ASB5: variants seen among roughly 807,000 people sequenced by gnomAD.
The protein encoded by ASB5 is ankyrin repeat and SOCS box protein 5.
A neutral mutation model predicts 42.1 loss-of-function variants in ASB5; 45 were observed. The ratio of observed to expected loss-of-function variants is 1.07; its 90% CI spans 0.84 to 1.37. The LOEUF (loss-of-function observed/expected upper bound fraction) is 1.37. Ranked by LOEUF, ASB5 falls within the 40% of genes most tolerant of loss-of-function variation. The pLI is 0.00. For synonymous variants in ASB5, 147 were observed against 150.6 expected (o/e 0.98, Z 0.18); for missense variants, 402 against 399.8 (o/e 1.01, Z -0.05).
chr4:176,238,036 A>G (rs1337945242), intron 1 of ASB5, among the ~76,000 whole-genome samples: 1 of 152,096 alleles, frequency 6.6e-6, no homozygotes, highest in African/African-American at 2.4e-5. Flanking sequence ...AGCCTGGCCA[A>G]CGTGGTGAAA....
chr4:176,239,701 T>G (rs1267766758), intron 1 of ASB5, among the ~76,000 whole-genome samples: 1 of 152,172 alleles, frequency 6.6e-6, no homozygotes, highest in Non-Finnish European at 1.5e-5. Flanking sequence ...TTAAGAAGGC[T>G]TTCTGTAGTC....
intron 1 of ASB5, among the ~76,000 whole-genome samples, chr4:176,262,141 G>A (rs1309932554): frequency 6.6e-6 from 1 of 152,068 alleles, no homozygotes; most frequent in Admixed American, 6.6e-5. Flanking sequence ...ATAGTAAATT[G>A]AGAAGCAGAA....
At chr4:176,243,513 A>AT (rs1753851351) in intron 1 of ASB5, among the ~76,000 whole-genome samples, 3 of 151,360 alleles carry the variant, frequency 2.0e-5, no homozygotes, top group Admixed American at 2.0e-4. Flanking sequence ...TTTATTTTTT[A>AT]TTTTTTTGGA....
chr4:176,246,693 G>A (rs1463668672), intron 1 of ASB5, among the ~76,000 whole-genome samples: 4 of 152,224 alleles, frequency 2.6e-5, no homozygotes, highest in African/African-American at 9.6e-5. Flanking sequence ...CCTTAAGAAT[G>A]GTAAGGGGTA....
upstream of ASB5, among the ~76,000 whole-genome samples, chr4:176,270,923 C>T (rs1006427246): frequency 6.6e-6 from 1 of 152,150 alleles, no homozygotes; most frequent in Non-Finnish European, 1.5e-5. Flanking sequence ...GCCTTAGTCA[C>T]GTCTAAGTGC....
chr4:176,228,269 C>T (rs182772704), intron 1 of ASB5, among the ~76,000 whole-genome samples: 2 of 152,282 alleles, frequency 1.3e-5, no homozygotes, highest in Admixed American at 1.3e-4. Flanking sequence ...GATTCCCTTT[C>T]AGCAAATTTC....
chr4:176,260,381 T>G (rs925959537), intron 1 of ASB5, among the ~76,000 whole-genome samples: 1 of 152,218 alleles, frequency 6.6e-6, no homozygotes. Flanking sequence ...TGAGGAATTG[T>G]AGAATGAGGA....
chr4:176,225,407 G>T, intron 1 of ASB5, 66 bp from the exon 2 acceptor site: 1 of 1,312,644 alleles, frequency 7.6e-7, no homozygotes, highest in Non-Finnish European at 1.1e-6. Context: ...AATCCCAGTA[G>T]ACACAATCAA....
At chr4:176,221,111 C>T (rs1753191259) in intron 5 of ASB5, 44 bp downstream of exon 5, 3 of 1,531,784 alleles carry the variant, frequency 2.0e-6, no homozygotes, top group Non-Finnish European at 2.6e-6. Context: ...TAAATAACTG[C>T]TTGTGTGTAT....
At chr4:176,238,234 T>C (rs889367293) in intron 1 of ASB5, among the ~76,000 whole-genome samples, 5 of 147,984 alleles carry the variant, frequency 3.4e-5, no homozygotes, top group Non-Finnish European at 7.4e-5. Context: ...AAAAGTGCAT[T>C]ACGGTCAGCT....
intron 1 of ASB5, among the ~76,000 whole-genome samples, chr4:176,233,208 G>T (rs1045546102): frequency 1.3e-5 from 2 of 152,120 alleles, no homozygotes; most frequent in Admixed American, 6.5e-5. Flanking sequence ...CTTCTAAACA[G>T]AAGGAAGGAT....
At chr4:176,268,799 A>T in intron 1 of ASB5, 114 bp downstream of exon 1, 1 of 936,024 alleles carries the variant, frequency 1.1e-6, no homozygotes, top group Non-Finnish European at 1.5e-6. Context: ...TATTTCCCTT[A>T]ACAAAAGTTT....
chr4:176,253,039 A>G (rs1329694499), intron 1 of ASB5, among the ~76,000 whole-genome samples: 1 of 152,204 alleles, frequency 6.6e-6, no homozygotes, highest in Non-Finnish European at 1.5e-5. Flanking sequence ...AAAGCCTAGG[A>G]AAAGAAAACA....
chr4:176,255,040 G>T (rs553019097), intron 1 of ASB5, among the ~76,000 whole-genome samples: 3 of 152,322 alleles, frequency 2.0e-5, no homozygotes, highest in African/African-American at 7.2e-5. Flanking sequence ...TGAGGCAGGA[G>T]AATCACTTGA....
At chr4:176,226,326 T>C (rs1753377657) in intron 1 of ASB5, among the ~76,000 whole-genome samples, 1 of 152,208 alleles carries the variant, frequency 6.6e-6, no homozygotes, top group Admixed American at 6.5e-5. Context: ...AGGCTTTCTC[T>C]GACCTTGAGA....
intron 1 of ASB5, among the ~76,000 whole-genome samples, chr4:176,238,694 T>C (rs186466908): frequency 1.7e-3 from 264 of 152,208 alleles, no homozygotes; most frequent in African/African-American, 5.9e-3. Flanking sequence ...CTTCTGCTAG[T>C]ATATAAAAGG....
At chr4:176,222,577 G>C (rs6830359) in intron 2 of ASB5, among the ~76,000 whole-genome samples, 157 bp from the exon 3 acceptor site, 33,940 of 152,092 alleles carry the variant, frequency 0.22, 3,958 homozygotes, top group African/African-American at 0.29. Context: ...AATGCCATAG[G>C]GTCAATCCGT....
chr4:176,240,213 A>G (rs1004942094), intron 1 of ASB5, among the ~76,000 whole-genome samples: 1 of 152,226 alleles, frequency 6.6e-6, no homozygotes, highest in Admixed American at 6.5e-5. Context: ...TGTAATCTAT[A>G]GAAGATAATG....
At chr4:176,249,876 T>G (rs1206900317) in intron 1 of ASB5, among the ~76,000 whole-genome samples, 1 of 151,506 alleles carries the variant, frequency 6.6e-6, no homozygotes, top group Non-Finnish European at 1.5e-5. Context: ...CCATCCTGGC[T>G]AACACAGTGA....
Sources: gnomAD v4.1 joint callset for allele counts (sites outside exome capture counted in the v4.1 genomes callset) on GRCh38, gnomAD v4.1.1 for gene constraint, MANE v1.5 for transcripts, NCBI Gene and HGNC (gene_info 2026-07-23, HGNC 2026-07-21) for gene names.